The following PLD5 variants were observed in gnomAD, a reference collection of about 807,000 sequenced individuals.
PLD5 encodes the protein inactive phospholipase D5.
In PLD5, 36 loss-of-function variants were observed where a neutral mutation model predicts 61.1. The observed-to-expected ratio is 0.59, with a 90% CI of 0.45 to 0.78. The LOEUF (loss-of-function observed/expected upper bound fraction) is 0.78. Among genes scored for constraint, PLD5 ranks in the 30% least tolerant of loss-of-function variants. The pLI is 0.00. For synonymous variants in PLD5, 243 were observed against 242.8 expected (o/e 1.00, Z -0.01); for missense variants, 515 against 644.4 (o/e 0.80, Z 2.17).
At chr1:242,520,103 C>A (rs1294016114) in intron 1 of PLD5, among the ~76,000 whole-genome samples, 1 of 152,184 alleles carries the variant, frequency 6.6e-6, no homozygotes, top group East Asian at 1.9e-4. Context: ...TGAGCCTTGA[C>A]CATGAACCTT....
chr1:242,388,244 C>T (rs1281043596), intron 1 of PLD5, among the ~76,000 whole-genome samples: 1 of 152,106 alleles, frequency 6.6e-6, no homozygotes, highest in African/African-American at 2.4e-5. Flanking sequence ...AGGCCTTTTG[C>T]AGGGAGTAGG....
intron 5 of PLD5, among the ~76,000 whole-genome samples, chr1:242,215,732 A>T (rs944573540): frequency 6.6e-6 from 1 of 152,178 alleles, no homozygotes; most frequent in African/African-American, 2.4e-5. Flanking sequence ...ACAGCCCCAG[A>T]CAATGCACCT....
chr1:242,421,322 C>CTAT (rs1665131991), intron 1 of PLD5, among the ~76,000 whole-genome samples: 1 of 151,954 alleles, frequency 6.6e-6, no homozygotes, highest in Non-Finnish European at 1.5e-5. Flanking sequence ...ATTGACATTC[C>CTAT]AGGCTGTAGG....
rs1286175919 is a variant in PLD5, at chr1:242,085,497, G to C, written c.*4357C>G. On this transcript the variant is annotated 3_prime_UTR_variant, in exon 10 of 10. Transcript: ENST00000536534. ...TATTCAAAAGCCTCCGTCCATTTAA[G>C]TCAATAAGGTGAAAATGGTAAGCAG... is the stretch of plus-strand genomic sequence containing the variant. The C allele has an allele frequency of 6.6e-6, 1 of 152,150 alleles. No individual in the cohort carries two copies. Among genetic ancestry groups the C allele is most frequent in the Non-Finnish European group, 1.5e-5 (1 of 68,020 alleles). 9.4% of individuals were successfully genotyped at this position (152,150 alleles called of 1,614,324 possible). A position where few individuals can be genotyped will look rare whatever the true frequency, so the allele number is the denominator to read the frequency against.
At chr1:242,121,316 A>G (rs1662343598) in intron 6 of PLD5, among the ~76,000 whole-genome samples, 1 of 152,198 alleles carries the variant, frequency 6.6e-6, no homozygotes, top group Non-Finnish European at 1.5e-5. Context: ...AAAGATGATT[A>G]TAAATAAATA....
At chr1:242,312,961 C>T (rs767970911) in intron 2 of PLD5, among the ~76,000 whole-genome samples, 6 of 152,192 alleles carry the variant, frequency 3.9e-5, no homozygotes, top group Non-Finnish European at 7.3e-5. Context: ...AAAACAAGGA[C>T]CTAAAACTTC....
chr1:242,124,615 A>G lies in PLD5; in HGVS notation c.786T>C (p.Asp262=). ...IFYNCSCLVL[D]LQRIFALYSS... Reference sequence around the variant, plus strand: ...TATATAGAGCAAATATCCTTTGTAAATCTAGGACCAGGCAGCTGCAGTTGT... The same window carrying G: ...TATATAGAGCAAATATCCTTTGTAAGTCTAGGACCAGGCAGCTGCAGTTGT... Residue 262 remains aspartate, a synonymous_variant, in exon 6 of 10, where the codon GAT becomes GAC. Coordinates refer to ENST00000536534, the MANE Select transcript of PLD5 (RefSeq NM_001372062.1). 1 of 1,614,030 alleles carries G rather than the reference A, an allele frequency of 6.2e-7. No homozygotes were observed. The highest frequency in any genetic ancestry group is 1.7e-4 in the Middle Eastern group (1 of 6,058).
At chr1:242,459,736 G>A (rs777595973) in intron 1 of PLD5, among the ~76,000 whole-genome samples, 42 of 152,196 alleles carry the variant, frequency 2.8e-4, no homozygotes, top group Non-Finnish European at 5.4e-4. Context: ...GAGCCTATGA[G>A]TGGAAGTGCA....
rs191755952 is a variant in PLD5, at chr1:242,395,019, A to G, written c.190-46777T>C. Among the ~76,000 whole-genome samples the G allele has an allele frequency of 1.3e-4, 16 of 127,870 alleles. 3 individuals carry two copies. Among genetic ancestry groups the G allele is most frequent in the East Asian group, 4.5e-4 (2 of 4,468 alleles). 83.9% of individuals were successfully genotyped at this position (127,870 alleles called of 152,430 possible). Reference sequence around the variant, plus strand: ...TATGTATATATGAATATATATGAATATATATGTATATATGAATGTATATGT... The same window carrying G: ...TATGTATATATGAATATATATGAATGTATATGTATATATGAATGTATATGT... On this transcript the variant is annotated intron_variant, in intron 1 of 9. Transcript: ENST00000536534.
chr1:242,363,454 TAAAAAAA>T (rs201808284), intron 1 of PLD5, among the ~76,000 whole-genome samples: 1 of 118,938 alleles, frequency 8.4e-6, no homozygotes, highest in Non-Finnish European at 1.8e-5. Context: ...CCTGTCTCTT[TAAAAAAA>T]AAAAAAAAAA....
intron 7 of PLD5, among the ~76,000 whole-genome samples, chr1:242,109,982 G>A (rs57614415): frequency 0.33 from 48,723 of 149,902 alleles, 8,177 homozygotes; most frequent in African/African-American, 0.4. Context: ...AGAGGTGTGA[G>A]TGGTACAATG....
chr1:242,098,247 C>G (rs1481256485), intron 9 of PLD5, among the ~76,000 whole-genome samples: 1 of 152,160 alleles, frequency 6.6e-6, no homozygotes, highest in South Asian at 2.1e-4. Context: ...TTCTTGGAGG[C>G]TTTGTTCGTT....
intron 1 of PLD5, among the ~76,000 whole-genome samples, chr1:242,360,077 A>G (rs1436497093): frequency 2.0e-5 from 3 of 152,178 alleles, no homozygotes; most frequent in Non-Finnish European, 2.9e-5. Context: ...TCGTAAAGCA[A>G]TATTTCCCAA....
chr1:242,213,389 C>A (rs114528315), intron 5 of PLD5, among the ~76,000 whole-genome samples: 2,313 of 152,230 alleles, frequency 0.015, 70 homozygotes, highest in African/African-American at 0.054. Context: ...GCAGCCCCAA[C>A]AGAACTAATG....
intron 2 of PLD5, among the ~76,000 whole-genome samples, chr1:242,345,344 GGTT>G (rs1413747234): frequency 6.6e-6 from 1 of 152,190 alleles, no homozygotes; most frequent in East Asian, 1.9e-4. Flanking sequence ...CAAAGTCCGT[GGTT>G]GTTAACTGCG....
At chr1:242,169,509 G>A (rs888772025) in intron 5 of PLD5, among the ~76,000 whole-genome samples, 1 of 152,130 alleles carries the variant, frequency 6.6e-6, no homozygotes, top group African/African-American at 2.4e-5. Context: ...GACCATTCAT[G>A]CAGACACTGA....
At chr1:242,390,064 A>G (rs1342347522) in intron 1 of PLD5, among the ~76,000 whole-genome samples, 1 of 46,184 alleles carries the variant, frequency 2.2e-5, no homozygotes, top group Non-Finnish European at 5.5e-5. Context: ...TTTGTCTCCC[A>G]GGCTGGAGTG....
At chr1:242,273,704 G>T (rs148855256) in intron 3 of PLD5, among the ~76,000 whole-genome samples, 13 of 152,292 alleles carry the variant, frequency 8.5e-5, no homozygotes, top group Middle Eastern at 3.4e-3. Flanking sequence ...TATGATGGGG[G>T]ATTATCCTGG....
At chr1:242,498,113 T>C (rs766444712) in intron 1 of PLD5, among the ~76,000 whole-genome samples, 15 of 152,094 alleles carry the variant, frequency 9.9e-5, no homozygotes, top group Non-Finnish European at 1.9e-4. Flanking sequence ...TACAGGTGTG[T>C]GCCACCATGC....
Sources: gnomAD v4.1 joint callset for allele counts (sites outside exome capture counted in the v4.1 genomes callset) on GRCh38, gnomAD v4.1.1 for gene constraint, MANE v1.5 for transcripts, NCBI Gene and HGNC (gene_info 2026-07-23, HGNC 2026-07-21) for gene names.